AARSD1: variants seen among roughly 807,000 people sequenced by gnomAD.
AARSD1 encodes alanyl-tRNA synthetase domain containing 1, also known as alanyl-tRNA editing protein Aarsd1.
A neutral mutation model predicts 48.7 loss-of-function variants in AARSD1; 44 were observed. The observed-to-expected ratio is 0.90, with a 90% CI of 0.71 to 1.16. The LOEUF (loss-of-function observed/expected upper bound fraction) is 1.16, where lower values mean the gene tolerates loss of function less well. AARSD1 is among the 50% of genes most tolerant of loss of function. The probability of loss-of-function intolerance (pLI) is 0.00; values close to 1 mark genes in which losing one functional copy is unlikely to be tolerated. For synonymous variants in AARSD1, 189 were observed against 194.9 expected, an observed-to-expected ratio of 0.97 and a Z score of 0.25; for missense variants, 511 against 523.1, an observed-to-expected ratio of 0.98 and a Z score of 0.23.
intron 3 of AARSD1, 63 bp downstream of exon 3, chr17:42,961,129 T>A (rs2049630572): frequency 6.5e-7 from 1 of 1,542,428 alleles, no homozygotes; most frequent in African/African-American, 1.4e-5. Context: ...TACGTCTCAG[T>A]CATCACAGCA....
In AARSD1 at chr17:42,957,207, GAGCC is replaced by G; in HGVS notation, c.332-16_332-13del. ...GATGAGATGCTGCCCTAAGCAAAGA[GAGCC>G]AGAGACAGGAGAAAAGTGAGAAGCC... On this transcript the variant is annotated splice_polypyrimidine_tract_variant and intron_variant, in intron 3 of 11. Transcript: ENST00000427569. The G allele has an allele frequency of 2.5e-6, 4 of 1,613,454 alleles. No homozygotes were observed. Among genetic ancestry groups the G allele is most frequent in the Non-Finnish European group, 3.4e-6 (4 of 1,179,734 alleles).
chr17:42,960,022 G>A (rs1414096553), intron 3 of AARSD1, among the ~76,000 whole-genome samples: 1 of 151,936 alleles, frequency 6.6e-6, no homozygotes, highest in Non-Finnish European at 1.5e-5. Flanking sequence ...TGTAATCTCA[G>A]CACATTGAGA....
intron 11 of AARSD1, 27 bp downstream of exon 11, chr17:42,951,773 T>A: frequency 1.2e-6 from 2 of 1,610,508 alleles, no homozygotes; most frequent in Non-Finnish European, 1.7e-6. Flanking sequence ...CTCTACTACA[T>A]GTGCAAGAGA....
intron 1 of AARSD1, 48 bp downstream of exon 1, chr17:42,964,354 C>T: frequency 6.4e-7 from 1 of 1,570,576 alleles, no homozygotes; most frequent in Non-Finnish European, 8.6e-7. Flanking sequence ...CTTCCCCAAA[C>T]CGCCTTGCCG....
chr17:42,962,262 T>C (rs1208376103), intron 2 of AARSD1: 1 of 248,050 alleles, frequency 4.0e-6, no homozygotes, highest in South Asian at 3.1e-5. Flanking sequence ...ATCACGCCGC[T>C]GCGCTCCAGC....
chr17:42,955,732 C>CGCCTG, intron 7 of AARSD1, 110 bp downstream of exon 7: 1 of 1,549,492 alleles, frequency 6.5e-7, no homozygotes, highest in Non-Finnish European at 8.7e-7. Flanking sequence ...TGGGCCACCA[C>CGCCTG]GCCTGGCCGC....
chr17:42,964,384 C>T lies in AARSD1; in HGVS notation c.39+18G>A, dbSNP rs1457494987. ...TTGCCGGCCCGGCAGTCTCAAGTGC[C>T]TCGCCGTGACGCCGTACCTCTCGGG... is the stretch of plus-strand genomic sequence containing the variant. On this transcript the variant is annotated intron_variant, in intron 1 of 11. Transcript: ENST00000427569. 6.4e-7 allele frequency: 1 copy of T among 1,554,724 alleles called. No homozygotes were observed. The highest frequency in any genetic ancestry group is 1.2e-5 in the South Asian group (1 of 85,042).
At chr17:42,957,328 CT>C in intron 3 of AARSD1, 133 bp from the exon 4 acceptor site, 2 of 1,029,312 alleles carry the variant, frequency 1.9e-6, no homozygotes, top group Non-Finnish European at 1.4e-6. Context: ...GGGTAATACA[CT>C]TTAGATACTT....
At position 42,951,890 on chromosome 17, in the gene AARSD1, G is replaced by GTC. The variant is rs1567714502; in HGVS notation, c.1011_1012dup (p.Thr338ArgfsTer6). 1.9e-6 allele frequency: 3 copies of GTC among 1,613,522 alleles called. No homozygotes were observed. Among genetic ancestry groups the GTC allele is most frequent in the Non-Finnish European group, 2.5e-6 (3 of 1,179,646 alleles). ...ATCGCCCACAGTTAAGAACAGGAGG[G>GTC]TCTCCTAGGAGGTAAGACAAGGAGA... On this transcript the variant is annotated frameshift_variant, in exon 11 of 12. Coordinates refer to ENST00000427569, the MANE Select transcript of AARSD1 (RefSeq NM_001261434.2). LOFTEE classifies it high-confidence loss of function.
At chr17:42,956,792 C>A (rs1229784556) in intron 4 of AARSD1, among the ~76,000 whole-genome samples, 1 of 146,852 alleles carries the variant, frequency 6.8e-6, no homozygotes, top group African/African-American at 2.5e-5. Context: ...CTCAGCCTCC[C>A]GAGTAGCTGG....
chr17:42,963,070 A>C (rs1297893368), intron 2 of AARSD1, among the ~76,000 whole-genome samples: 1 of 151,226 alleles, frequency 6.6e-6, no homozygotes, highest in Non-Finnish European at 1.5e-5. Flanking sequence ...CGCTGCCCAC[A>C]CACCTTAATA....
At chr17:42,963,422 GAAAGA>G (rs1172684895) in intron 2 of AARSD1, among the ~76,000 whole-genome samples, 71 of 150,872 alleles carry the variant, frequency 4.7e-4, no homozygotes, top group Non-Finnish European at 8.4e-4. Context: ...AAGAAAGAAA[GAAAGA>G]AAAGAAAAGA....
chr17:42,956,540 C>A lies in AARSD1; in HGVS notation c.410G>T (p.Ser137Ile). 1 of 1,612,882 alleles carries A rather than the reference C, an allele frequency of 6.2e-7. No individual in the cohort carries two copies. Among genetic ancestry groups the A allele is most frequent in the Non-Finnish European group, 8.5e-7 (1 of 1,179,488 alleles). Reference protein sequence around the residue: ...TTSWELGRFRSAIELDTPSMT... With the variant: ...TTSWELGRFRIAIELDTPSMT... Reference sequence around the variant, plus strand: ...AGAGGGGGTGTCCAGCTCAATCGCACTCCGAAATCTCCCTAACTCCCTGTC... The same window carrying A: ...AGAGGGGGTGTCCAGCTCAATCGCAATCCGAAATCTCCCTAACTCCCTGTC... The change falls in exon 5 of 12, where the codon AGT (serine) becomes ATT (isoleucine). Residue 137 changes from serine to isoleucine, a missense_variant. Physicochemically the swap from Ser to Ile is moderately radical, Grantham distance 142. Transcript: ENST00000427569.
intron 7 of AARSD1, 122 bp downstream of exon 7, chr17:42,955,720 T>C (rs473986): frequency 0.99 from 1,509,507 of 1,528,200 alleles, 747,299 homozygotes; most frequent in East Asian, 1. Context: ...GGATTACAGA[T>C]GTGGGCCACC....
Position 42,957,103 on chromosome 17 carries a change from G to A in AARSD1, c.389+35C>T, listed in dbSNP as rs766700196. 16 of 1,611,754 alleles carry A rather than the reference G, an allele frequency of 9.9e-6. No individual in the cohort carries two copies. In the South Asian group the frequency reaches 1.6e-4, roughly 17 times the overall value. ...CGCCTCCCTCCCAGTGCTGGGATGG[G>A]CCTGCCTACAGTTAGTCTTATGCCT... is the stretch of plus-strand genomic sequence containing the variant. On this transcript the variant is annotated intron_variant, in intron 4 of 11. Transcript: ENST00000427569.
chr17:42,953,877 T>G, intron 9 of AARSD1, 99 bp from the exon 10 acceptor site: 2 of 1,470,426 alleles, frequency 1.4e-6, no homozygotes, highest in Middle Eastern at 1.7e-4. Flanking sequence ...TTGCTGCCTA[T>G]GTACACATAA....
At chr17:42,950,811 G>A (rs2049470264) in intron 11 of AARSD1, 83 bp from the exon 12 acceptor site, 1 of 1,527,658 alleles carries the variant, frequency 6.5e-7, no homozygotes, top group Non-Finnish European at 8.7e-7. Flanking sequence ...CTTTTTCCAG[G>A]GACTGGGAGA....
In AARSD1 at chr17:42,964,108, G is replaced by C. The variant is rs749922163; in HGVS notation, c.169C>G (p.Gln57Glu). Residue 57 changes from glutamine (Q) to glutamate (E), a missense_variant and splice_region_variant, in exon 2 of 12, where the codon CAG (glutamine) becomes GAG (glutamate). Gln to Glu is a conservative substitution (Grantham distance 29). Transcript: ENST00000427569. ...DTVLFPEGGG[Q>E]PDDRGTINDI... The stretch of plus-strand genomic sequence containing the variant: ...CTGGGAAGAGATCGTTTTGGTACCT[G>C]TCCCCCGCCCTCAGGGAAAAGCACT... 6.2e-7 allele frequency: 1 copy of C among 1,614,148 alleles called. No homozygotes were observed. The highest frequency in any genetic ancestry group is 8.5e-7 in the Non-Finnish European group (1 of 1,180,036).
intron 9 of AARSD1, among the ~76,000 whole-genome samples, chr17:42,954,650 G>A (rs1291948673): frequency 2.0e-5 from 3 of 152,062 alleles, no homozygotes; most frequent in Admixed American, 6.6e-5. Flanking sequence ...GGCCAGGCTG[G>A]TTTCGAACTC....
Sources: allele counts gnomAD v4.1 joint callset (sites outside exome capture counted in the v4.1 genomes callset), GRCh38; gene constraint gnomAD v4.1.1; transcripts MANE v1.5; gene names NCBI Gene and HGNC (gene_info 2026-07-23, HGNC 2026-07-21).